The following TCERG1L variants were observed in gnomAD, a reference collection of about 807,000 sequenced individuals.
TCERG1L encodes transcription elongation regulator 1-like protein.
TCERG1L carries 37 observed loss-of-function variants against 56.3 expected under a neutral mutation model. The ratio of observed to expected loss-of-function variants is 0.66; its 90% CI spans 0.51 to 0.87. The LOEUF is 0.87. Ranked by LOEUF, TCERG1L falls within the 40% of genes least tolerant of loss-of-function variation. TCERG1L has a pLI of 0.00. For missense variants in TCERG1L, 799 were observed against 774.2 expected, an observed-to-expected ratio of 1.03 and a Z score of -0.38; for synonymous variants, 324 against 326.3, an observed-to-expected ratio of 0.99 and a Z score of 0.08.
At chr10:131,148,879 C>T (rs1296541625) in intron 6 of TCERG1L, among the ~76,000 whole-genome samples, 5 of 152,344 alleles carry the variant, frequency 3.3e-5, no homozygotes, top group East Asian at 1.9e-4. Flanking sequence ...CTGTGGGAGA[C>T]GAATCAATGG....
Position 131,166,796 on chromosome 10 carries a change from C to A in TCERG1L, c.945+1G>T. The A allele has an allele frequency of 6.2e-7, 1 of 1,613,978 alleles. No individual in the cohort carries two copies. The highest frequency in any genetic ancestry group is 2.2e-5 in the East Asian group (1 of 44,874). On this transcript the variant is annotated splice_donor_variant, in intron 5 of 11. Transcript: ENST00000368642. LOFTEE classifies it high-confidence loss of function. ...ACACACACACGAGCCCCGAAACTGA[C>A]CTTGTCTTCTTTGTCTCCATCCCGG...
intron 4 of TCERG1L, among the ~76,000 whole-genome samples, chr10:131,229,206 C>T (rs1020854117): frequency 1.1e-4 from 17 of 152,196 alleles, no homozygotes; most frequent in Non-Finnish European, 1.8e-4. Flanking sequence ...TCAAGGACTC[C>T]GGAGTCTCCC....
chr10:131,127,817 C>T (rs1276407779), intron 8 of TCERG1L, among the ~76,000 whole-genome samples: 7 of 152,090 alleles, frequency 4.6e-5, no homozygotes, highest in Non-Finnish European at 7.3e-5. Flanking sequence ...TGCCCGGGGC[C>T]ACTGCTCTTG....
chr10:131,281,896 G>T (rs1323594751), intron 3 of TCERG1L, among the ~76,000 whole-genome samples: 1 of 152,050 alleles, frequency 6.6e-6, no homozygotes, highest in Non-Finnish European at 1.5e-5. Flanking sequence ...CAGCACTTTG[G>T]GAGGCCGAGG....
chr10:131,128,580 G>A (rs1227541389), intron 8 of TCERG1L, among the ~76,000 whole-genome samples: 1 of 152,150 alleles, frequency 6.6e-6, no homozygotes, highest in Admixed American at 6.5e-5. Context: ...AGGATACTGG[G>A]GAACCGATGC....
At chr10:131,126,826 T>A (rs1048372974) in intron 8 of TCERG1L, among the ~76,000 whole-genome samples, 1 of 152,124 alleles carries the variant, frequency 6.6e-6, no homozygotes, top group Non-Finnish European at 1.5e-5. Flanking sequence ...TCTGGTAACA[T>A]TTGCAAAATT....
At chr10:131,286,447 T>G (rs1846543926) in intron 3 of TCERG1L, among the ~76,000 whole-genome samples, 2 of 152,216 alleles carry the variant, frequency 1.3e-5, no homozygotes, top group Admixed American at 1.3e-4. Flanking sequence ...TGTAAGGTAA[T>G]GCACCCGCAT....
chr10:131,252,131 T>C (rs922767239), intron 4 of TCERG1L, among the ~76,000 whole-genome samples: 1 of 152,204 alleles, frequency 6.6e-6, no homozygotes, highest in Non-Finnish European at 1.5e-5. Context: ...TATATAGATA[T>C]GCCACATTTT....
In TCERG1L at chr10:131,093,394, G is replaced by A. The variant is rs1003348068; in HGVS notation, c.1605-76C>T. The A allele has an allele frequency of 1.2e-4, 184 of 1,532,914 alleles. 1 individual carries two copies. The highest frequency in any genetic ancestry group is 1.5e-4 in the Non-Finnish European group (168 of 1,130,836). The allele number at this position is 1,532,914 out of a possible 1,614,324, so 95.0% of individuals were successfully genotyped here. A position where few individuals can be genotyped will look rare whatever the true frequency, so the allele number is the denominator to read the frequency against. ...TCCCCAGAGATCCTGCAGCGGCACC[G>A]CCTGAGCAAGCATCCAGCCCTTCCA... On this transcript the variant is annotated intron_variant, in intron 11 of 11. Coordinates refer to ENST00000368642, the MANE Select transcript of TCERG1L (RefSeq NM_174937.4).
intron 4 of TCERG1L, among the ~76,000 whole-genome samples, chr10:131,191,771 A>G (rs542026293): frequency 7.6e-6 from 1 of 130,768 alleles, no homozygotes; most frequent in East Asian, 2.2e-4. Context: ...AGGCTGAGGC[A>G]GGAGAATAGC....
intron 11 of TCERG1L, among the ~76,000 whole-genome samples, chr10:131,094,851 T>C (rs1845224629): frequency 1.3e-5 from 2 of 151,984 alleles, no homozygotes; most frequent in Admixed American, 1.3e-4. Context: ...TGTTCCACGC[T>C]CCCCTGGCTA....
chr10:131,099,753 G>A (rs1246285350), intron 10 of TCERG1L, among the ~76,000 whole-genome samples: 4 of 152,186 alleles, frequency 2.6e-5, no homozygotes. Flanking sequence ...AATACAAAAT[G>A]CCACTGGTCC....
intron 3 of TCERG1L, among the ~76,000 whole-genome samples, chr10:131,281,498 G>A (rs1846452765): frequency 6.6e-6 from 1 of 152,154 alleles, no homozygotes; most frequent in Non-Finnish European, 1.5e-5. Flanking sequence ...CCATATGAAA[G>A]GCATTTGTGC....
chr10:131,209,864 T>A lies in TCERG1L; in HGVS notation c.857-42979A>T, dbSNP rs562127062. The stretch of plus-strand genomic sequence containing the variant: ...TATTAATTTACAAAGATAATGCTTT[T>A]AAAATGTTACTTTTTAATATATCAG... On this transcript the variant is annotated intron_variant, in intron 4 of 11. Coordinates refer to ENST00000368642, the MANE Select transcript of TCERG1L (RefSeq NM_174937.4). Among the ~76,000 whole-genome samples the A allele has an allele frequency of 2.8e-3, 420 of 152,336 alleles. 3 individuals carry two copies. The highest frequency in any genetic ancestry group is 9.6e-3 in the African/African-American group (401 of 41,576).
intron 4 of TCERG1L, among the ~76,000 whole-genome samples, chr10:131,227,005 C>T (rs1056356324): frequency 1.5e-4 from 23 of 152,238 alleles, no homozygotes; most frequent in African/African-American, 4.1e-4. Context: ...GGCAGGGAGG[C>T]GGCCCCCTCG....
chr10:131,297,594 T>C (rs1364237182), intron 3 of TCERG1L, among the ~76,000 whole-genome samples: 1 of 152,186 alleles, frequency 6.6e-6, no homozygotes, highest in Non-Finnish European at 1.5e-5. Flanking sequence ...AGAAAAAAAT[T>C]ACTTAGGGAA....
At chr10:131,216,523 G>A (rs1374382235) in intron 4 of TCERG1L, among the ~76,000 whole-genome samples, 3 of 152,150 alleles carry the variant, frequency 2.0e-5, no homozygotes, top group African/African-American at 4.8e-5. Flanking sequence ...TCATCCTTAC[G>A]TATTACATAG....
rs113648943 is a variant in TCERG1L at position 131,174,313 on chromosome 10, C to T, written c.857-7428G>A. Among the ~76,000 whole-genome samples the T allele has an allele frequency of 3.7e-4, 57 of 152,344 alleles. 1 individual carries two copies. The highest frequency in any genetic ancestry group is 1.3e-3 in the African/African-American group (55 of 41,588). On this transcript the variant is annotated intron_variant, in intron 4 of 11. Transcript: ENST00000368642. The stretch of plus-strand genomic sequence containing the variant: ...GGACAAGCCCAGCATCACGCCCGGC[C>T]GCACAGGCTGAAACCCCACAGTGGG...
At chr10:131,228,871 A>G (rs12768029) in intron 4 of TCERG1L, among the ~76,000 whole-genome samples, 2 of 123,484 alleles carry the variant, frequency 1.6e-5, no homozygotes, top group Non-Finnish European at 3.4e-5. Context: ...TCTCCCCTCC[A>G]GACAGGCATT....
Sources: gnomAD v4.1 joint callset for allele counts (sites outside exome capture counted in the v4.1 genomes callset) on GRCh38, gnomAD v4.1.1 for gene constraint, MANE v1.5 for transcripts, NCBI Gene and HGNC (gene_info 2026-07-23, HGNC 2026-07-21) for gene names.